The following ESRRG variants were observed in gnomAD, a reference collection of about 807,000 sequenced individuals.
The protein encoded by ESRRG is estrogen related receptor gamma.
ESRRG carries 13 observed loss-of-function variants against 44.0 expected under a neutral mutation model. The ratio of observed to expected loss-of-function variants is 0.30; its 90% confidence interval spans 0.19 to 0.47. The LOEUF (loss-of-function observed/expected upper bound fraction) is 0.47. Among genes scored for constraint, ESRRG ranks in the 20% least tolerant of loss-of-function variants. The pLI, the probability that ESRRG is intolerant of heterozygous loss-of-function variation, is 1.00. For missense variants in ESRRG, 395 were observed against 580.6 expected (o/e 0.68, Z 3.29); for synonymous variants, 215 against 214.6 (o/e 1.00, Z -0.02).
chr1:216,548,529 C>A (rs2055264575), intron 5 of ESRRG, among the ~76,000 whole-genome samples: 1 of 152,018 alleles, frequency 6.6e-6, no homozygotes, highest in Non-Finnish European at 1.5e-5. Context: ...AAGAACAAAG[C>A]TAGTAATTAA....
At chr1:216,583,225 C>T (rs1055232855) in intron 3 of ESRRG, among the ~76,000 whole-genome samples, 1 of 152,128 alleles carries the variant, frequency 6.6e-6, no homozygotes, top group Non-Finnish European at 1.5e-5. Context: ...ATATCCTAGA[C>T]CACCAGAATA....
At chr1:216,976,956 T>G (rs1432563160) in intron 1 of ESRRG, among the ~76,000 whole-genome samples, 1 of 152,180 alleles carries the variant, frequency 6.6e-6, no homozygotes, top group Non-Finnish European at 1.5e-5. Flanking sequence ...GACACCACAG[T>G]ATGGAGCATC....
At chr1:216,523,498 T>G (rs1164314898) in intron 5 of ESRRG, among the ~76,000 whole-genome samples, 1 of 75,732 alleles carries the variant, frequency 1.3e-5, no homozygotes, top group Non-Finnish European at 3.0e-5. Context: ...CTGTTTTTTT[T>G]TTTGTTTTTT....
At chr1:216,707,234 AT>A (rs890905901) in intron 1 of ESRRG, 221 of 1,062,386 alleles carry the variant, frequency 2.1e-4, no homozygotes, top group East Asian at 3.2e-4. Context: ...CTTTAAAAGC[AT>A]TTTTTTTTCT....
chr1:216,932,875 A>G (rs1484178949), intron 2 of ESRRG, among the ~76,000 whole-genome samples: 3 of 151,804 alleles, frequency 2.0e-5, no homozygotes, highest in Non-Finnish European at 4.4e-5. Flanking sequence ...GCCAATTTAT[A>G]TAATTTTTTT....
At chr1:216,834,355 C>G (rs969200857) in intron 2 of ESRRG, among the ~76,000 whole-genome samples, 1 of 152,050 alleles carries the variant, frequency 6.6e-6, no homozygotes, top group East Asian at 1.9e-4. Flanking sequence ...GAGCTGTGAT[C>G]GCATCATTGC....
intron 1 of ESRRG, among the ~76,000 whole-genome samples, chr1:217,033,108 G>A (rs1158982963): frequency 1.3e-5 from 2 of 152,218 alleles, no homozygotes; most frequent in Non-Finnish European, 2.9e-5. Context: ...GCTGAGTGCT[G>A]TGTCAAGTCC....
At chr1:217,137,055 G>T (rs1005737840) in intron 1 of ESRRG, among the ~76,000 whole-genome samples, 1 of 152,120 alleles carries the variant, frequency 6.6e-6, no homozygotes, top group East Asian at 1.9e-4. Flanking sequence ...GGCCTAAAGC[G>T]ACTAGTAGCT....
At chr1:216,816,395 C>T (rs2095138388) in intron 2 of ESRRG, among the ~76,000 whole-genome samples, 1 of 151,948 alleles carries the variant, frequency 6.6e-6, no homozygotes, top group African/African-American at 2.4e-5. Flanking sequence ...CATGTTGTGC[C>T]CAATAAATAT....
In ESRRG at chr1:217,128,186, A is replaced by G. The variant is rs555077339; in HGVS notation, c.-230+9481T>C. Among the ~76,000 whole-genome samples, 10 of 152,362 alleles carry G rather than the reference A, an allele frequency of 6.6e-5. No individual in the cohort carries two copies. In the South Asian group the frequency reaches 2.1e-3, roughly 32 times the overall value. ...TGTCCACCATAAGTCTTCTTACTCA[A>G]TAACTAACTAATTAAAATAAAATGA... On this transcript the variant is annotated intron_variant, in intron 1 of 8. Coordinates refer to the ESRRG transcript ENST00000366940.
upstream of ESRRG, among the ~76,000 whole-genome samples, chr1:217,094,297 C>T (rs148087688): frequency 7.9e-5 from 12 of 152,318 alleles, no homozygotes; most frequent in African/African-American, 2.6e-4. Flanking sequence ...ACTATCAAAT[C>T]GTATAGACCT....
At chr1:216,769,500 G>A (rs568870950) in intron 2 of ESRRG, among the ~76,000 whole-genome samples, 15 of 152,118 alleles carry the variant, frequency 9.9e-5, no homozygotes, top group Non-Finnish European at 1.8e-4. Flanking sequence ...TAAAACTATG[G>A]GCATAGTTAC....
intron 1 of ESRRG, among the ~76,000 whole-genome samples, chr1:217,083,657 C>G (rs2091908430): frequency 6.6e-6 from 1 of 152,178 alleles, no homozygotes. Flanking sequence ...GAGCACAGTT[C>G]TAACTTTGAA....
intron 2 of ESRRG, among the ~76,000 whole-genome samples, chr1:216,907,816 C>A (rs1403380405): frequency 6.6e-6 from 1 of 152,160 alleles, no homozygotes; most frequent in Non-Finnish European, 1.5e-5. Flanking sequence ...CTTGCTGGCT[C>A]TAATTCACAT....
chr1:216,675,606 G>T (rs1249594778), intron 2 of ESRRG, among the ~76,000 whole-genome samples: 3 of 152,166 alleles, frequency 2.0e-5, no homozygotes, highest in Non-Finnish European at 4.4e-5. Flanking sequence ...CAGTAGCATG[G>T]TCTAGAGCAG....
At chr1:216,952,447 G>A (rs547710704) in intron 1 of ESRRG, among the ~76,000 whole-genome samples, 4 of 152,140 alleles carry the variant, frequency 2.6e-5, no homozygotes, top group Admixed American at 2.6e-4. Context: ...TCATGGTCAG[G>A]GATCTTATTG....
chr1:216,781,078 A>C (rs534256814), intron 2 of ESRRG, among the ~76,000 whole-genome samples: 1 of 152,064 alleles, frequency 6.6e-6, no homozygotes, highest in Non-Finnish European at 1.5e-5. Context: ...AAGCAATGTC[A>C]ATCTCTTATC....
At chr1:217,050,559 G>A (rs1326332198) in intron 1 of ESRRG, among the ~76,000 whole-genome samples, 5 of 152,032 alleles carry the variant, frequency 3.3e-5, no homozygotes, top group Non-Finnish European at 7.4e-5. Context: ...AGGTGACTGG[G>A]GATCAATTGA....
intron 1 of ESRRG, among the ~76,000 whole-genome samples, chr1:217,010,623 C>A (rs768864753): frequency 2.6e-5 from 4 of 152,158 alleles, no homozygotes; most frequent in Non-Finnish European, 5.9e-5. Flanking sequence ...TCATAAAGAA[C>A]TGAGCCTTGT....
Sources: allele counts gnomAD v4.1 joint callset (sites outside exome capture counted in the v4.1 genomes callset), GRCh38; gene constraint gnomAD v4.1.1; transcripts MANE v1.5; gene names NCBI Gene and HGNC (gene_info 2026-07-23, HGNC 2026-07-21).